The following DDX60 variants were observed in gnomAD, a reference collection of about 807,000 sequenced individuals.
DDX60 encodes DExD/H-box helicase 60, also known as probable ATP-dependent RNA helicase DDX60.
A neutral mutation model predicts 212.8 loss-of-function variants in DDX60; 165 were observed. The observed-to-expected ratio is 0.78, with a 90% confidence interval of 0.68 to 0.88. The LOEUF (loss-of-function observed/expected upper bound fraction) is 0.88, where lower values mean the gene tolerates loss of function less well. Among genes scored for constraint, DDX60 ranks in the 40% least tolerant of loss-of-function variants. The pLI is 0.00. For synonymous variants in DDX60, 703 were observed against 685.3 expected (o/e 1.03, Z -0.40); for missense variants, 1,905 against 2,003.9 (o/e 0.95, Z 0.94).
intron 8 of DDX60, among the ~76,000 whole-genome samples, chr4:168,288,833 T>C (rs1050985294): frequency 6.6e-6 from 1 of 152,180 alleles, no homozygotes; most frequent in Admixed American, 6.5e-5. Flanking sequence ...CATGGAATGA[T>C]CCCTTCTACG....
At chr4:168,258,083 G>A (rs1189224880) in intron 25 of DDX60, among the ~76,000 whole-genome samples, 1 of 152,166 alleles carries the variant, frequency 6.6e-6, no homozygotes, top group East Asian at 1.9e-4. Context: ...TGAACAACCC[G>A]CCTTCATGCT....
chr4:168,269,498 G>C (rs1315719606), intron 19 of DDX60, among the ~76,000 whole-genome samples: 1 of 152,114 alleles, frequency 6.6e-6, no homozygotes, highest in Non-Finnish European at 1.5e-5. Flanking sequence ...CTACTTCGGA[G>C]GCTGAGGCAG....
In DDX60 at chr4:168,264,515, T is replaced by C. The variant is rs556282826; in HGVS notation, c.3040-1728A>G. On this transcript the variant is annotated intron_variant, in intron 22 of 37. Coordinates refer to ENST00000393743, the MANE Select transcript of DDX60 (RefSeq NM_017631.6). The stretch of plus-strand genomic sequence containing the variant: ...ACAATAAATCCAAGATTTATTATAA[T>C]TTTAAAATATAAATCTTCTGTTTTT... Among the ~76,000 whole-genome samples, 223 of 149,512 alleles carry C rather than the reference T, an allele frequency of 1.5e-3. 2 individuals carry two copies. Among genetic ancestry groups the C allele is most frequent in the African/African-American group, 4.2e-3 (166 of 39,986 alleles).
At chr4:168,220,843 A>G (rs1229131289) in intron 36 of DDX60, 126 bp from the exon 37 acceptor site, 1 of 449,362 alleles carries the variant, frequency 2.2e-6, no homozygotes, top group Non-Finnish European at 3.8e-6. Context: ...TCCAAAAATT[A>G]TTTCTGCCAC....
intron 32 of DDX60, among the ~76,000 whole-genome samples, chr4:168,236,885 G>C (rs1311488995): frequency 2.0e-5 from 3 of 151,412 alleles, no homozygotes; most frequent in African/African-American, 7.3e-5. Flanking sequence ...AACATTAATA[G>C]TGATTATCTG....
chr4:168,261,038 G>T (rs766822891), intron 24 of DDX60, 49 bp from the exon 25 acceptor site: 2 of 1,555,908 alleles, frequency 1.3e-6, no homozygotes, highest in Admixed American at 2.2e-5. Flanking sequence ...GAGAAAGAAA[G>T]AAATTACTAC....
intron 33 of DDX60, among the ~76,000 whole-genome samples, chr4:168,232,434 A>C (rs974074717): frequency 6.6e-6 from 1 of 152,110 alleles, no homozygotes; most frequent in Non-Finnish European, 1.5e-5. Flanking sequence ...ACAAATCTGG[A>C]AGCATCATAC....
intron 6 of DDX60, among the ~76,000 whole-genome samples, chr4:168,299,190 A>T (rs1034333581): frequency 6.0e-5 from 9 of 150,828 alleles, no homozygotes; most frequent in Non-Finnish European, 1.2e-4. Flanking sequence ...AAAAATCACA[A>T]ACGTGCTTTA....
chr4:168,224,157 AT>A, intron 35 of DDX60, 85 bp downstream of exon 35: 3 of 1,474,580 alleles, frequency 2.0e-6, no homozygotes, highest in Non-Finnish European at 2.8e-6. Context: ...AAGCTGGGAA[AT>A]TCGAAGTTCT....
intron 34 of DDX60, among the ~76,000 whole-genome samples, chr4:168,225,024 T>C (rs1044639750): frequency 1.3e-5 from 2 of 152,028 alleles, no homozygotes; most frequent in African/African-American, 4.8e-5. Flanking sequence ...TTTTCATATA[T>C]GTTAACTTAA....
chr4:168,300,116 A>G (rs375848183), intron 6 of DDX60, among the ~76,000 whole-genome samples: 1 of 151,626 alleles, frequency 6.6e-6, no homozygotes, highest in East Asian at 1.9e-4. Context: ...GATTTATTCC[A>G]GTAATATAGA....
chr4:168,269,095 G>C (rs1734976895), intron 19 of DDX60, 126 bp from the exon 20 acceptor site: 2 of 508,830 alleles, frequency 3.9e-6, no homozygotes, highest in Admixed American at 3.3e-5. Flanking sequence ...ACCATGCCAA[G>C]TTTAAAGAAA....
intron 10 of DDX60, among the ~76,000 whole-genome samples, chr4:168,286,292 C>A (rs889417209): frequency 3.3e-5 from 5 of 150,662 alleles, no homozygotes; most frequent in Admixed American, 6.6e-5. Context: ...CAAAGACTTT[C>A]ATGAAAATGA....
In DDX60 at chr4:168,230,945, C is replaced by A. The variant is rs559937835; in HGVS notation, c.4534-5269G>T. 5.9e-5 allele frequency among the ~76,000 whole-genome samples: 9 copies of A among 151,792 alleles called. No individual in the cohort carries two copies. In the South Asian group the frequency reaches 8.3e-4, roughly 14 times the overall value. Reference sequence around the variant, plus strand: ...AAAATAAACAACATTGATAAATAGACCATTAGTGAGATTAGCCAAGAAAAG... The same window carrying A: ...AAAATAAACAACATTGATAAATAGAACATTAGTGAGATTAGCCAAGAAAAG... On this transcript the variant is annotated intron_variant, in intron 33 of 37. Coordinates refer to ENST00000393743, the MANE Select transcript of DDX60 (RefSeq NM_017631.6).
intron 22 of DDX60, among the ~76,000 whole-genome samples, chr4:168,264,260 C>A (rs908340960): frequency 1.3e-5 from 2 of 152,140 alleles, no homozygotes; most frequent in Admixed American, 1.3e-4. Flanking sequence ...CAGACAAAAT[C>A]AACATATGTT....
chr4:168,248,145 T>G, intron 29 of DDX60, 43 bp downstream of exon 29: 2 of 1,348,520 alleles, frequency 1.5e-6, no homozygotes, highest in Non-Finnish European at 2.1e-6. Flanking sequence ...GCTATGGCCA[T>G]ATTTCAGCAA....
upstream of DDX60, among the ~76,000 whole-genome samples, chr4:168,322,464 A>G (rs1160110786): frequency 6.6e-6 from 1 of 152,182 alleles, no homozygotes; most frequent in Non-Finnish European, 1.5e-5. Flanking sequence ...GATTATTGAA[A>G]CAACCTTTTC....
chr4:168,299,083 C>T (rs1279891860), intron 6 of DDX60, among the ~76,000 whole-genome samples: 2 of 145,500 alleles, frequency 1.4e-5, no homozygotes, highest in Non-Finnish European at 3.0e-5. Context: ...ATTGCTTGAA[C>T]CCAGGAGGTG....
chr4:168,278,161 T>C (rs75696808), intron 14 of DDX60, among the ~76,000 whole-genome samples: 1,581 of 152,320 alleles, frequency 0.01, 33 homozygotes, highest in African/African-American at 0.036. Context: ...AGTGAAAACA[T>C]GAAAGTTCTT....
Sources: allele counts gnomAD v4.1 joint callset (sites outside exome capture counted in the v4.1 genomes callset), GRCh38; gene constraint gnomAD v4.1.1; transcripts MANE v1.5; gene names NCBI Gene and HGNC (gene_info 2026-07-23, HGNC 2026-07-21).